The following DCDC2C variants were observed in gnomAD, a reference collection of about 807,000 sequenced individuals.
DCDC2C encodes doublecortin domain-containing protein 2C.
In DCDC2C, 44 loss-of-function variants were observed where a neutral mutation model predicts 45.0. The ratio of observed to expected loss-of-function variants is 0.98; its 90% CI spans 0.77 to 1.26. DCDC2C has a LOEUF of 1.26. Among genes scored for constraint, DCDC2C ranks in the 50% most tolerant of loss-of-function variants. DCDC2C has a pLI of 0.00. For synonymous variants in DCDC2C, 187 were observed against 178.8 expected (o/e 1.05, Z -0.37); for missense variants, 447 against 468.9 (o/e 0.95, Z 0.43).
intron 10 of DCDC2C, among the ~76,000 whole-genome samples, chr2:3,808,546 T>G (rs968156466): frequency 1.3e-5 from 2 of 152,136 alleles, no homozygotes; most frequent in Admixed American, 1.3e-4. Context: ...GGCACACCAC[T>G]ACACCCAGCT....
At chr2:3,723,466 G>T (rs529760141) in intron 2 of DCDC2C, among the ~76,000 whole-genome samples, 1 of 152,320 alleles carries the variant, frequency 6.6e-6, no homozygotes, top group Non-Finnish European at 1.5e-5. Flanking sequence ...ATGGGCTGAT[G>T]TTTCAGGAAC....
intron 4 of DCDC2C, among the ~76,000 whole-genome samples, chr2:3,751,465 C>T (rs1380291850): frequency 2.0e-5 from 3 of 152,202 alleles, no homozygotes; most frequent in Non-Finnish European, 4.4e-5. Context: ...CTTGACGCCT[C>T]CAGGGTCGGT....
intron 7 of DCDC2C, 21 bp downstream of exon 7, chr2:3,767,901 G>A: frequency 1.4e-6 from 2 of 1,445,756 alleles, no homozygotes; most frequent in East Asian, 2.7e-5. Flanking sequence ...GTTTCATTCT[G>A]CTGTAGGCAG....
intron 2 of DCDC2C, among the ~76,000 whole-genome samples, chr2:3,712,787 A>G (rs1668249809): frequency 6.6e-6 from 1 of 152,166 alleles, no homozygotes; most frequent in Admixed American, 6.6e-5. Flanking sequence ...TCACATAGCC[A>G]GGGCTGAGAT....
At chr2:3,800,110 G>A (rs888697481) in intron 10 of DCDC2C, among the ~76,000 whole-genome samples, 8 of 152,306 alleles carry the variant, frequency 5.3e-5, no homozygotes, top group East Asian at 1.9e-4. Flanking sequence ...CGCAGTATTC[G>A]GGTGGGAGTG....
At chr2:3,835,399 C>T (rs1229200378) in intron 10 of DCDC2C, among the ~76,000 whole-genome samples, 2 of 152,092 alleles carry the variant, frequency 1.3e-5, no homozygotes, top group Non-Finnish European at 2.9e-5. Context: ...AGAATACAAA[C>T]ACCAAGCAAT....
intron 10 of DCDC2C, among the ~76,000 whole-genome samples, chr2:3,803,228 C>A (rs1671154133): frequency 6.6e-6 from 1 of 152,142 alleles, no homozygotes; most frequent in African/African-American, 2.4e-5. Flanking sequence ...GTGATGATTT[C>A]ATTATCTACT....
intron 4 of DCDC2C, among the ~76,000 whole-genome samples, chr2:3,743,331 T>G (rs2148111147): frequency 6.6e-6 from 1 of 152,314 alleles, no homozygotes; most frequent in Admixed American, 6.5e-5. Flanking sequence ...TACCCCACTT[T>G]CAACAATGAA....
chr2:3,747,254 T>G (rs1319042735), intron 4 of DCDC2C, among the ~76,000 whole-genome samples: 1 of 152,190 alleles, frequency 6.6e-6, no homozygotes, highest in Non-Finnish European at 1.5e-5. Flanking sequence ...CAGGGCTCAG[T>G]GTCAGTCATG....
At position 3,818,848 on chromosome 2, in the gene DCDC2C, G is replaced by A. The variant is rs1671619541; in HGVS notation, c.1066-28306G>A. The stretch of plus-strand genomic sequence containing the variant: ...TGGCTGTAGCCCAGGAATAGTCAGG[G>A]AAGTAGATAATTTAGTTAAAATGTT... On this transcript the variant is annotated intron_variant, in intron 10 of 10. Coordinates refer to ENST00000399143, the MANE Select transcript of DCDC2C (RefSeq NM_001287444.2). The surrounding 1 kb of genome is among the most constrained non-coding windows in gnomAD (Gnocchi z 4.7). Among the ~76,000 whole-genome samples, 1 of 152,158 alleles carries A rather than the reference G, an allele frequency of 6.6e-6. No individual in the cohort carries two copies. The highest frequency in any genetic ancestry group is 2.4e-5 in the African/African-American group (1 of 41,424).
At chr2:3,845,009 G>A (rs554045326) in intron 10 of DCDC2C, among the ~76,000 whole-genome samples, 1 of 152,238 alleles carries the variant, frequency 6.6e-6, no homozygotes, top group South Asian at 2.1e-4. Flanking sequence ...CTATGTACAT[G>A]CATTTGCCGA....
intron 8 of DCDC2C, among the ~76,000 whole-genome samples, chr2:3,770,646 T>C (rs1670138454): frequency 1.3e-5 from 2 of 152,262 alleles, no homozygotes; most frequent in African/African-American, 4.8e-5. Context: ...CATTTTAGGC[T>C]GTTACTTGTA....
chr2:3,773,556 C>T (rs951373995), intron 8 of DCDC2C, among the ~76,000 whole-genome samples: 1 of 152,196 alleles, frequency 6.6e-6, no homozygotes, highest in African/African-American at 2.4e-5. Context: ...GCAAAAAAGG[C>T]ACCCAGATGT....
intron 10 of DCDC2C, among the ~76,000 whole-genome samples, chr2:3,821,031 G>T (rs894793281): frequency 6.6e-6 from 1 of 152,226 alleles, no homozygotes; most frequent in East Asian, 1.9e-4. Flanking sequence ...GGTTGCAGGC[G>T]GGCTGAGTCC....
Position 3,778,807 on chromosome 2 carries a change from T to TC in DCDC2C, c.955-8dup. 6.4e-7 allele frequency: 1 copy of TC among 1,550,510 alleles called. No individual in the cohort carries two copies. The highest frequency in any genetic ancestry group is 8.7e-7 in the Non-Finnish European group (1 of 1,146,940). Reference sequence around the variant, plus strand: ...GTAGTTGATAAAATGTGGTGTATTTTCTCCCCAGAGACAAGCTGAGATAGT... The same window carrying TC: ...GTAGTTGATAAAATGTGGTGTATTTTCCTCCCCAGAGACAAGCTGAGATAGT... On this transcript the variant is annotated splice_polypyrimidine_tract_variant and intron_variant, in intron 8 of 10. Transcript: ENST00000399143.
At chr2:3,727,283 C>A (rs1464134530) in intron 3 of DCDC2C, among the ~76,000 whole-genome samples, 2 of 152,044 alleles carry the variant, frequency 1.3e-5, no homozygotes, top group African/African-American at 4.8e-5. Context: ...CATGTGCTAC[C>A]TTTTCTTTCT....
Position 3,723,377 on chromosome 2 carries a change from C to T in DCDC2C, c.340-3626C>T, listed in dbSNP as rs571166998. On this transcript the variant is annotated intron_variant, in intron 2 of 10. Coordinates refer to ENST00000399143, the MANE Select transcript of DCDC2C (RefSeq NM_001287444.2). ...GAGGGCTTCTGTGAGGAGCTGACGT[C>T]GAAGTGACTTCTTAAAGTAAGAGGG... Among the ~76,000 whole-genome samples the T allele has an allele frequency of 7.9e-5, 12 of 152,260 alleles. 1 individual carries two copies. In the South Asian group the frequency reaches 2.1e-3, roughly 26 times the overall value.
intron 10 of DCDC2C, among the ~76,000 whole-genome samples, chr2:3,824,222 A>C (rs1414705783): frequency 6.6e-6 from 1 of 151,856 alleles, no homozygotes; most frequent in African/African-American, 2.4e-5. Flanking sequence ...TCTCTTTTTC[A>C]TGTGTTTGAA....
intron 2 of DCDC2C, among the ~76,000 whole-genome samples, chr2:3,723,142 G>T (rs188242655): frequency 6.6e-6 from 1 of 152,008 alleles, no homozygotes; most frequent in Non-Finnish European, 1.5e-5. Context: ...TCCATTATTC[G>T]TTTGTCTTCA....
Sources: gnomAD v4.1 joint callset for allele counts (sites outside exome capture counted in the v4.1 genomes callset) on GRCh38, gnomAD v4.1.1 for gene constraint, Gnocchi (gnomAD v3.1) non-coding constraint, MANE v1.5 for transcripts, NCBI Gene and HGNC (gene_info 2026-07-23, HGNC 2026-07-21) for gene names.